The following JAKMIP3 variants were observed in gnomAD, a reference collection of about 807,000 sequenced individuals.
JAKMIP3 encodes the protein Janus kinase and microtubule interacting protein 3.
A neutral mutation model predicts 118.5 loss-of-function variants in JAKMIP3; 58 were observed. That is an observed-to-expected ratio of 0.49 (90% CI 0.40 to 0.61). JAKMIP3 has a LOEUF of 0.61. JAKMIP3 is among the 20% of genes least tolerant of loss of function. JAKMIP3 has a pLI of 0.00. For missense variants in JAKMIP3, 950 were observed against 1,109.0 expected (o/e 0.86, Z 2.04); for synonymous variants, 486 against 451.2 (o/e 1.08, Z -0.98).
Position 132,168,631 on chromosome 10 carries a change from C to T in JAKMIP3, c.*701C>T. The T allele has an allele frequency of 1.2e-5, 4 of 343,542 alleles. No individual in the cohort carries two copies. Among genetic ancestry groups the T allele is most frequent in the South Asian group, 8.7e-5 (4 of 45,952 alleles). 21.3% of individuals were successfully genotyped at this position (343,542 alleles called of 1,614,324 possible). On this transcript the variant is annotated 3_prime_UTR_variant, in exon 23 of 24. Transcript: ENST00000684848. ...CCGCGTGGTGCCATCAACCCTCTGC[C>T]TCCCTACTCAACCTGAGACAGGAAG...
At chr10:132,172,976 CTTCCCTCTCTCTCTCT>C in intron 23 of JAKMIP3, among the ~76,000 whole-genome samples, 1 of 83,214 alleles carries the variant, frequency 1.2e-5, no homozygotes, top group South Asian at 5.1e-4. Context: ...CCTCTCTCTC[CTTCCCTCTCTCTCTCT>C]CTCCTTCCCT....
At chr10:132,068,720 T>G (rs967107422) in intron 1 of JAKMIP3, among the ~76,000 whole-genome samples, 5 of 152,192 alleles carry the variant, frequency 3.3e-5, no homozygotes, top group African/African-American at 1.2e-4. Flanking sequence ...CCATGCTTAC[T>G]TTCCTTTGGG....
At chr10:132,102,465 C>T (rs759332515) in intron 1 of JAKMIP3, among the ~76,000 whole-genome samples, 3 of 152,180 alleles carry the variant, frequency 2.0e-5, no homozygotes, top group Non-Finnish European at 1.5e-5. Context: ...CTGGTCCCTC[C>T]AGTCCCCGTC....
rs1247013100 is a variant in JAKMIP3 at position 132,052,927 on chromosome 10, T to C, written c.-138+16189T>C. On this transcript the variant is annotated intron_variant, in intron 1 of 23. Coordinates refer to the JAKMIP3 transcript ENST00000657785. ...AAAAAGTCTAGTTTTAAAAATAGAATTGTTTTGTGAACTGTATTTGTCAAT... is the reference window on the plus strand; with the variant it reads ...AAAAAGTCTAGTTTTAAAAATAGAACTGTTTTGTGAACTGTATTTGTCAAT... 3.3e-5 allele frequency among the ~76,000 whole-genome samples: 5 copies of C among 152,386 alleles called. No individual in the cohort carries two copies. The East Asian group carries it at 9.6e-4, about 29-fold the overall frequency.
intron 1 of JAKMIP3, among the ~76,000 whole-genome samples, chr10:132,100,998 C>A (rs1175345944): frequency 6.6e-6 from 1 of 152,118 alleles, no homozygotes; most frequent in African/African-American, 2.4e-5. Flanking sequence ...ATATAGTTAC[C>A]GTATCAGTTC....
In JAKMIP3 at chr10:132,145,115, G is replaced by A. The variant is rs747344598; in HGVS notation, c.1611G>A (p.Glu537=). Residue 537 remains glutamate, a synonymous_variant, in exon 12 of 24, where the codon GAG becomes GAA. Transcript: ENST00000684848. ...LDAEREVKTR[E]QLQAEVQRAQ... is the part of the protein sequence containing the mutation. Reference sequence around the variant, plus strand: ...TTCCTCCCGTCCTACAGACCCGTGAGCAGCTACAAGCCGAAGTGCAGAGGG... The same window carrying A: ...TTCCTCCCGTCCTACAGACCCGTGAACAGCTACAAGCCGAAGTGCAGAGGG... The A allele has an allele frequency of 1.9e-6, 3 of 1,612,218 alleles. No homozygotes were observed. Among genetic ancestry groups the A allele is most frequent in the Admixed American group, 1.7e-5 (1 of 59,966 alleles).
intron 1 of JAKMIP3, among the ~76,000 whole-genome samples, chr10:132,048,568 G>C (rs1049103938): frequency 4.6e-5 from 7 of 152,048 alleles, no homozygotes; most frequent in African/African-American, 1.7e-4. Flanking sequence ...GTGTTCTGTT[G>C]ACCAGCTCAT....
chr10:132,163,565 G>A (rs2058589049), intron 20 of JAKMIP3, among the ~76,000 whole-genome samples, 153 bp downstream of exon 20: 1 of 152,156 alleles, frequency 6.6e-6, no homozygotes, highest in Non-Finnish European at 1.5e-5. Flanking sequence ...CACTCTGATG[G>A]CTACACCCTG....
chr10:132,084,838 A>G (rs556612977), intron 1 of JAKMIP3, among the ~76,000 whole-genome samples: 13 of 152,144 alleles, frequency 8.5e-5, no homozygotes, highest in African/African-American at 2.9e-4. Flanking sequence ...TGATCATGTG[A>G]TTTTTGTTTT....
At chr10:132,161,036 C>A (rs1386875079) in intron 19 of JAKMIP3, among the ~76,000 whole-genome samples, 6 of 93,524 alleles carry the variant, frequency 6.4e-5, no homozygotes, top group Admixed American at 1.1e-4. Flanking sequence ...GGGGCCTCTT[C>A]CTGTGTGATG....
At chr10:132,175,521 C>G (rs1224355923) in intron 23 of JAKMIP3, among the ~76,000 whole-genome samples, 1 of 152,178 alleles carries the variant, frequency 6.6e-6, no homozygotes, top group East Asian at 1.9e-4. Flanking sequence ...CGTGTCTGGT[C>G]CCCATTTGAC....
chr10:132,129,314 C>T lies in JAKMIP3; in HGVS notation c.634-3998C>T, dbSNP rs192073869. 7.2e-5 allele frequency among the ~76,000 whole-genome samples: 11 copies of T among 152,250 alleles called. No homozygotes were observed. In the East Asian group the frequency reaches 9.6e-4, roughly 13 times the overall value. ...TGTCTGGGCTTGAATTGCAGTGTCT[C>T]GACAGCCATGTGCAGCCACTTACAT... On this transcript the variant is annotated intron_variant, in intron 3 of 23. Coordinates refer to ENST00000684848, the MANE Select transcript of JAKMIP3 (RefSeq NM_001323087.2).
intron 1 of JAKMIP3, among the ~76,000 whole-genome samples, chr10:132,038,206 CCA>C (rs1458025232): frequency 6.6e-6 from 1 of 152,144 alleles, no homozygotes; most frequent in African/African-American, 2.4e-5. Context: ...CCACTGAAAT[CCA>C]GATTTTGAAA....
chr10:132,148,132 C>CTGAACATGAACA lies in JAKMIP3; in HGVS notation c.1848+100_1848+111dup, dbSNP rs111344225. 923 of 598,824 alleles carry CTGAACATGAACA rather than the reference C, an allele frequency of 1.5e-3. 5 individuals carry two copies. The highest frequency in any genetic ancestry group is 7.9e-3 in the East Asian group (236 of 29,906). The allele number at this position is 598,824 out of a possible 1,614,324, so 37.1% of individuals were successfully genotyped here. Reference sequence around the variant, plus strand: ...CAGCCTTCCTAACCCACACAAAGCCCTGAACATGAACATGAACATGAACAT... The same window carrying CTGAACATGAACA: ...CAGCCTTCCTAACCCACACAAAGCCCTGAACATGAACATGAACATGAACATGAACATGAACAT... On this transcript the variant is annotated intron_variant, in intron 14 of 23. Coordinates refer to ENST00000684848, the MANE Select transcript of JAKMIP3 (RefSeq NM_001323087.2).
chr10:132,054,941 G>A lies in JAKMIP3; in HGVS notation c.-138+18203G>A, dbSNP rs529797591. Among the ~76,000 whole-genome samples the A allele has an allele frequency of 2.0e-5, 3 of 151,382 alleles. No individual in the cohort carries two copies. In the South Asian group the frequency reaches 6.4e-4, roughly 32 times the overall value. On this transcript the variant is annotated intron_variant, in intron 1 of 23. Coordinates refer to the JAKMIP3 transcript ENST00000657785. ...CTCCTACACCGAGGACCCTCCGCTTGGGGATAGTGAGAGTCCTGCACTCCT... is the reference window on the plus strand; with the variant it reads ...CTCCTACACCGAGGACCCTCCGCTTAGGGATAGTGAGAGTCCTGCACTCCT...
rs532786712 is a variant in JAKMIP3, at chr10:132,104,776, C to T, written c.-33C>T. ...GCCCAGCCCAGCCGGAGCACCCTAC[C>T]CCTGGGCATCCCCCTGGCCATCCAG... On this transcript the variant is annotated 5_prime_UTR_variant, in exon 2 of 24. Coordinates refer to ENST00000684848, the MANE Select transcript of JAKMIP3 (RefSeq NM_001323087.2). 1.9e-5 allele frequency: 29 copies of T among 1,544,790 alleles called. No homozygotes were observed. The East Asian group carries it at 7.1e-4, about 38-fold the overall frequency.
At chr10:132,053,883 A>C (rs139165202) in intron 1 of JAKMIP3, among the ~76,000 whole-genome samples, 10,678 of 151,968 alleles carry the variant, frequency 0.07, 385 homozygotes, top group African/African-American at 0.084. Context: ...AAATACAAAA[A>C]AAAATTAGCC....
chr10:132,125,155 G>A (rs957486123), intron 3 of JAKMIP3, among the ~76,000 whole-genome samples: 1 of 152,198 alleles, frequency 6.6e-6, no homozygotes. Flanking sequence ...CCCCTCCGAG[G>A]GCGTGAAGTT....
At chr10:132,042,937 A>AAAAT (rs3068004) in intron 1 of JAKMIP3, among the ~76,000 whole-genome samples, 45,989 of 148,440 alleles carry the variant, frequency 0.31, 8,029 homozygotes, top group Non-Finnish European at 0.41. Context: ...AAAAAAAAAA[A>AAAAT]ACAAAAATTA....
Sources: gnomAD v4.1 joint callset for allele counts (sites outside exome capture counted in the v4.1 genomes callset) on GRCh38, gnomAD v4.1.1 for gene constraint, MANE v1.5 for transcripts, NCBI Gene and HGNC (gene_info 2026-07-23, HGNC 2026-07-21) for gene names.